TRIM72: variants seen among roughly 807,000 people sequenced by gnomAD.
The protein encoded by TRIM72 is tripartite motif containing 72.
Under a neutral mutation model 31.6 loss-of-function variants are expected in TRIM72, and 33 were observed. The ratio of observed to expected loss-of-function variants is 1.04; its 90% confidence interval spans 0.79 to 1.40. The LOEUF is 1.40. Ranked by LOEUF, TRIM72 falls within the 40% of genes most tolerant of loss-of-function variation. TRIM72 has a pLI of 0.00. For synonymous variants in TRIM72, 301 were observed against 314.4 expected (o/e 0.96, Z 0.45); for missense variants, 666 against 682.7 (o/e 0.98, Z 0.27).
At chr16:31,220,964 T>A (rs2079530842) in intron 5 of TRIM72, 46 bp downstream of exon 5, 1 of 1,612,270 alleles carries the variant, frequency 6.2e-7, no homozygotes, top group African/African-American at 1.3e-5. Flanking sequence ...TGTCCCAGTC[T>A]TCTAGGGACA....
At chr16:31,220,108 C>T (rs2079526962) in intron 4 of TRIM72, among the ~76,000 whole-genome samples, 1 of 151,874 alleles carries the variant, frequency 6.6e-6, no homozygotes, top group Admixed American at 6.6e-5. Flanking sequence ...GGCTGGAGTG[C>T]AGTGGCATGA....
chr16:31,223,698 G>A (rs2079543200), intron 6 of TRIM72, among the ~76,000 whole-genome samples: 1 of 152,102 alleles, frequency 6.6e-6, no homozygotes, highest in Admixed American at 6.6e-5. Flanking sequence ...GAGCCCAGGA[G>A]TTGGAGACCA....
intron 5 of TRIM72, among the ~76,000 whole-genome samples, chr16:31,222,122 G>T (rs2144196767): frequency 6.6e-6 from 1 of 152,330 alleles, no homozygotes. Flanking sequence ...GCCGGGTGCA[G>T]TGGCTCACGC....
In TRIM72 at chr16:31,220,937, T is replaced by G. The variant is rs200847932; in HGVS notation, c.740+19T>G. 9.5e-5 allele frequency: 153 copies of G among 1,614,194 alleles called. No homozygotes were observed. In the African/African-American group the frequency reaches 1.9e-3, roughly 21 times the overall value. ...CCAGCAGGTGAGAGCAACCTGGCCC[T>G]GTCCCTTTGCCCGACTTGTCCCAGT... On this transcript the variant is annotated intron_variant, in intron 5 of 6. Coordinates refer to ENST00000322122, the MANE Select transcript of TRIM72 (RefSeq NM_001008274.4).
intron 2 of TRIM72, chr16:31,217,110 C>A: frequency 2.8e-6 from 4 of 1,422,882 alleles, no homozygotes; most frequent in Non-Finnish European, 3.8e-6. Context: ...AGCTGCCGCC[C>A]CCGGGGATGT....
intron 5 of TRIM72, 97 bp downstream of exon 5, chr16:31,221,015 C>A: frequency 1.4e-6 from 2 of 1,480,174 alleles, no homozygotes; most frequent in Non-Finnish European, 1.9e-6. Flanking sequence ...GCCTGCACAC[C>A]CGCAATTCAG....
In TRIM72 at chr16:31,219,152, AGT is replaced by A; in HGVS notation, c.452_453del (p.Val151GlyfsTer49). Reference sequence around the variant, plus strand: ...GGAGGCATGCATGCGCAAGGAGAAGAGTGTGGCTGTGCTGGAGCATCAGCTGG... The same window carrying A: ...GGAGGCATGCATGCGCAAGGAGAAGAGTGGCTGTGCTGGAGCATCAGCTGG... ...LQEACMRKEKSVAVLEHQLVE... is the reference protein window; with the variant it reads ...LQEACMRKEKXVAVLEHQLVE... On this transcript the variant is annotated frameshift_variant, in exon 3 of 7. Transcript: ENST00000322122. LOFTEE classifies it high-confidence loss of function. The surrounding 1 kb of genome is among the most constrained non-coding windows in gnomAD (Gnocchi z 4.2). 6.2e-7 allele frequency: 1 copy of A among 1,608,996 alleles called. No homozygotes were observed.
rs1390161067 is a variant in TRIM72, at chr16:31,221,985, G to A, written c.741-842G>A. ...GGAGAATGGCATTGCTGGGAGAGGG[G>A]ACAGCCAGCGAGAGGGCTGGCGAGT... On this transcript the variant is annotated intron_variant, in intron 5 of 6. Coordinates refer to ENST00000322122, the MANE Select transcript of TRIM72 (RefSeq NM_001008274.4). Among the ~76,000 whole-genome samples, 3 of 152,176 alleles carry A rather than the reference G, an allele frequency of 2.0e-5. No individual in the cohort carries two copies. The East Asian group carries it at 5.8e-4, about 29-fold the overall frequency.
rs531680163 is a variant in TRIM72, at chr16:31,220,313, A to G, written c.718-583A>G. ...CTTGGCCTCCCAAAGTGCTGGGATT[A>G]CAGGCATGAGTCACCGCACCCGGCC... On this transcript the variant is annotated intron_variant, in intron 4 of 6. Transcript: ENST00000322122. Among the ~76,000 whole-genome samples the G allele has an allele frequency of 8.9e-4, 136 of 152,268 alleles. 1 individual carries two copies. Among genetic ancestry groups the G allele is most frequent in the South Asian group, 4.4e-3 (21 of 4,826 alleles).
In TRIM72 at chr16:31,224,344, C is replaced by A; in HGVS notation, c.1023C>A (p.Ser341=). The A allele has an allele frequency of 6.3e-7, 1 of 1,583,716 alleles. No homozygotes were observed. Among genetic ancestry groups the A allele is most frequent in the Non-Finnish European group, 8.6e-7 (1 of 1,168,606 alleles). ...CGGTGGTGGCGCACCAGCAGCTCTCCGAGGGCGAGCACTACTGGGAGGTGG... is the reference window on the plus strand; with the variant it reads ...CGGTGGTGGCGCACCAGCAGCTCTCAGAGGGCGAGCACTACTGGGAGGTGG... ...AVAVVAHQQL[S]EGEHYWEVDV... is the part of the protein sequence containing the mutation. Residue 341 remains serine (S), a synonymous_variant, in exon 7 of 7, where the codon TCC becomes TCA. Transcript: ENST00000322122.
At position 31,224,575 on chromosome 16, in the gene TRIM72, C is replaced by T. The variant is rs866527463; in HGVS notation, c.1254C>T (p.Ser418=). The T allele has an allele frequency of 1.9e-6, 3 of 1,551,426 alleles. No individual in the cohort carries two copies. Among genetic ancestry groups the T allele is most frequent in the Non-Finnish European group, 2.6e-6 (3 of 1,154,004 alleles). Residue 418 remains serine (S), a synonymous_variant, in exon 7 of 7, where the codon AGC becomes AGT. Coordinates refer to ENST00000322122, the MANE Select transcript of TRIM72 (RefSeq NM_001008274.4). The stretch of plus-strand genomic sequence containing the variant: ...CCACGCGCATTGGCCTTTACCTGAG[C>T]TTCGGCGACGGCGTCCTCTCCTTCT... ...RRPTRIGLYL[S]FGDGVLSFYD...
chr16:31,219,570 A>G lies in TRIM72; in HGVS notation c.717+51A>G. The G allele has an allele frequency of 1.3e-6, 2 of 1,502,494 alleles. No individual in the cohort carries two copies. The highest frequency in any genetic ancestry group is 1.4e-5 in the African/African-American group (1 of 71,968). The allele number at this position is 1,502,494 out of a possible 1,614,324, so 93.1% of individuals were successfully genotyped here. On this transcript the variant is annotated intron_variant, in intron 4 of 6. Coordinates refer to ENST00000322122, the MANE Select transcript of TRIM72 (RefSeq NM_001008274.4). This position sits in a 1 kb window ranked among gnomAD's most constrained non-coding sequence, Gnocchi z 4.2. ...TGCCTCAGCCCCCTGCTCAGGGCCC[A>G]GAGACCTCATCCCATTGTCAGATAG...
chr16:31,223,196 T>G (rs913917557), intron 6 of TRIM72, among the ~76,000 whole-genome samples: 2 of 152,174 alleles, frequency 1.3e-5, no homozygotes, highest in African/African-American at 4.8e-5. Flanking sequence ...CGCTGGGGCC[T>G]AGGTCTGAGC....
chr16:31,217,195 G>A (rs749626860), intron 2 of TRIM72: 17 of 706,246 alleles, frequency 2.4e-5, no homozygotes, highest in Non-Finnish European at 3.9e-5. Context: ...TGCAAACACC[G>A]CCTAGAGGGT....
rs2079525599 is a variant in TRIM72, at chr16:31,219,750, A to G, written c.717+231A>G. ...GACATTGTAGGTTTATATATTTATT[A>G]GGACACTCTTATTTTTATTTTTTAT... On this transcript the variant is annotated intron_variant, in intron 4 of 6. Coordinates refer to ENST00000322122, the MANE Select transcript of TRIM72 (RefSeq NM_001008274.4). The surrounding 1 kb of genome is among the most constrained non-coding windows in gnomAD (Gnocchi z 4.2). Among the ~76,000 whole-genome samples, 2 of 152,138 alleles carry G rather than the reference A, an allele frequency of 1.3e-5. No homozygotes were observed. The highest frequency in any genetic ancestry group is 4.1e-4 in the South Asian group (2 of 4,828).
chr16:31,224,761 C>T lies in TRIM72; in HGVS notation c.*6C>T, dbSNP rs747869827. The stretch of plus-strand genomic sequence containing the variant: ...CCGAAGGCGCCGAGGCCTGAGCCGC[C>T]GGACGGGTAGTGGAGGGGCGCGGGG... On this transcript the variant is annotated 3_prime_UTR_variant, in exon 7 of 7. Coordinates refer to ENST00000322122, the MANE Select transcript of TRIM72 (RefSeq NM_001008274.4). 7 of 1,466,798 alleles carry T rather than the reference C, an allele frequency of 4.8e-6. No individual in the cohort carries two copies. The East Asian group carries it at 1.1e-4, about 22-fold the overall frequency. 90.9% of individuals were successfully genotyped at this position (1,466,798 alleles called of 1,614,324 possible). A position where few individuals can be genotyped will look rare whatever the true frequency, so the allele number is the denominator to read the frequency against.
chr16:31,219,445 T>TA lies in TRIM72; in HGVS notation c.644dup (p.Tyr215Ter), dbSNP rs1312295541. Reference sequence around the variant, plus strand: ...CCGGGAGCTGGGGAGCCTGAACTCTTACCTGGAGCAGCTGCGGCAGATGGA... The same window carrying TA: ...CCGGGAGCTGGGGAGCCTGAACTCTTAACCTGGAGCAGCTGCGGCAGATGGA... Reference protein sequence around the residue: ...LRRELGSLNSYLEQLRQMEKV... With the variant: ...LRRELGSLNS Residue 215 changes from tyrosine to a stop codon, truncating the protein, a stop_gained and frameshift_variant, in exon 4 of 7, where the codon TAC becomes TAAC. Transcript: ENST00000322122. LOFTEE classifies it high-confidence loss of function. This position sits in a 1 kb window ranked among gnomAD's most constrained non-coding sequence, Gnocchi z 4.2. 2.5e-6 allele frequency: 4 copies of TA among 1,612,424 alleles called. No individual in the cohort carries two copies. The highest frequency in any genetic ancestry group is 3.4e-6 in the Non-Finnish European group (4 of 1,179,518).
At chr16:31,223,318 G>T (rs753211068) in intron 6 of TRIM72, among the ~76,000 whole-genome samples, 8 of 152,192 alleles carry the variant, frequency 5.3e-5, no homozygotes, top group Non-Finnish European at 1.0e-4. Flanking sequence ...GAACCCTGGG[G>T]ACTGGCCTGG....
At position 31,216,108 on chromosome 16, in the gene TRIM72, G is replaced by C. The variant is rs996812935; in HGVS notation, c.390+980G>C. On this transcript the variant is annotated intron_variant, in intron 2 of 6. Coordinates refer to ENST00000322122, the MANE Select transcript of TRIM72 (RefSeq NM_001008274.4). The surrounding 1 kb of genome is among the most constrained non-coding windows in gnomAD (Gnocchi z 6.7). ...TGTCTTACGCGACTGGTGCGCGCGT[G>C]GGGCTGGCTTCACAGGCGTTGCATT... The C allele has an allele frequency of 6.6e-6, 1 of 152,278 alleles. No individual in the cohort carries two copies. The highest frequency in any genetic ancestry group is 2.4e-5 in the African/African-American group (1 of 41,464). 9.4% of individuals were successfully genotyped at this position (152,278 alleles called of 1,614,324 possible).
Sources: allele counts gnomAD v4.1 joint callset (sites outside exome capture counted in the v4.1 genomes callset), GRCh38; gene constraint gnomAD v4.1.1; non-coding constraint Gnocchi (gnomAD v3.1); transcripts MANE v1.5; gene names NCBI Gene and HGNC (gene_info 2026-07-23, HGNC 2026-07-21).